Variants in CHD9 observed in about 807,000 individuals in gnomAD.
CHD9 encodes ATP-dependent chromatin remodeler CHD9.
In CHD9, 77 loss-of-function variants were observed where a neutral mutation model predicts 316.1. The ratio of observed to expected loss-of-function variants is 0.24; its 90% CI spans 0.20 to 0.29. The LOEUF (loss-of-function observed/expected upper bound fraction) is 0.29. CHD9 is among the 10% of genes least tolerant of loss of function. The pLI is 1.00. For missense variants in CHD9, 2,763 were observed against 3,438.1 expected (o/e 0.80, Z 4.91); for synonymous variants, 1,129 against 1,158.3 (o/e 0.97, Z 0.51).
chr16:53,235,631 C>G (rs1159307096), intron 11 of CHD9, among the ~76,000 whole-genome samples: 1 of 152,086 alleles, frequency 6.6e-6, no homozygotes, highest in Non-Finnish European at 1.5e-5. Flanking sequence ...TGCCAACAAT[C>G]AGTTCGAGTT....
chr16:53,101,111 T>C (rs982086726), intron 1 of CHD9, among the ~76,000 whole-genome samples: 1 of 152,158 alleles, frequency 6.6e-6, no homozygotes, highest in Admixed American at 6.5e-5. Flanking sequence ...ATTTACTGCA[T>C]CTAACAAGCA....
At chr16:53,157,581 A>C (rs375640074) in intron 2 of CHD9, 40 bp downstream of exon 2, 1 of 1,554,178 alleles carries the variant, frequency 6.4e-7, no homozygotes, top group Non-Finnish European at 8.7e-7. Flanking sequence ...ATTTGGGGGT[A>C]GGGCGGACTG....
intron 1 of CHD9, among the ~76,000 whole-genome samples, chr16:53,062,276 TA>T (rs1436356790): frequency 6.6e-6 from 1 of 152,260 alleles, no homozygotes; most frequent in Non-Finnish European, 1.5e-5. Context: ...GTTAAAACTG[TA>T]ACAATCTAAT....
intron 1 of CHD9, among the ~76,000 whole-genome samples, chr16:53,109,778 G>A (rs186162623): frequency 5.5e-5 from 7 of 128,378 alleles, no homozygotes; most frequent in East Asian, 5.4e-4. Context: ...TCCGCCTCCC[G>A]TATTCACACC....
intron 29 of CHD9, among the ~76,000 whole-genome samples, chr16:53,294,150 C>CA (rs1178539888): frequency 6.6e-6 from 1 of 152,144 alleles, no homozygotes; most frequent in African/African-American, 2.4e-5. Flanking sequence ...AAAAGACAGG[C>CA]AAACTTCTCT....
intron 7 of CHD9, among the ~76,000 whole-genome samples, chr16:53,228,063 C>T (rs900063334): frequency 6.0e-5 from 9 of 150,606 alleles, no homozygotes; most frequent in African/African-American, 1.7e-4. Flanking sequence ...TCCAGCCTGG[C>T]GACAGAGCGA....
At chr16:53,138,879 G>C (rs1022027396) in intron 1 of CHD9, among the ~76,000 whole-genome samples, 1 of 152,208 alleles carries the variant, frequency 6.6e-6, no homozygotes, top group African/African-American at 2.4e-5. Context: ...TGGAAGAATA[G>C]AAATAGGATG....
intron 2 of CHD9, among the ~76,000 whole-genome samples, chr16:53,188,796 G>A (rs2044250028): frequency 6.6e-6 from 1 of 151,366 alleles, no homozygotes. Flanking sequence ...TGTTGGCAAG[G>A]CTGGTGTCAA....
At chr16:53,097,462 C>T (rs12933670) in intron 1 of CHD9, among the ~76,000 whole-genome samples, 65,499 of 151,144 alleles carry the variant, frequency 0.43, 14,976 homozygotes, top group East Asian at 0.58. Flanking sequence ...GCCTGGGTGA[C>T]GATCATAGCT....
In CHD9 at chr16:53,245,557, C is replaced by T. The variant is rs1423749745; in HGVS notation, c.3199-38C>T. The T allele has an allele frequency of 1.3e-6, 2 of 1,535,724 alleles. No homozygotes were observed. The highest frequency in any genetic ancestry group is 1.7e-6 in the Non-Finnish European group (2 of 1,145,682). On this transcript the variant is annotated intron_variant, in intron 14 of 38. Coordinates refer to ENST00000447540, the MANE Select transcript of CHD9 (RefSeq NM_001308319.2). This position sits in a 1 kb window ranked among gnomAD's most constrained non-coding sequence, Gnocchi z 4.1. Reference sequence around the variant, plus strand: ...TATTTTGTATGTGTAATTAAATGCTCACTTATGTTATATGTCTTTTTATCA... The same window carrying T: ...TATTTTGTATGTGTAATTAAATGCTTACTTATGTTATATGTCTTTTTATCA...
At chr16:53,131,074 G>GCCGCCGCTGACACCCACCGC (rs1555488324) in intron 1 of CHD9, 1 of 148,294 alleles carries the variant, frequency 6.7e-6, no homozygotes, top group Non-Finnish European at 1.5e-5. Flanking sequence ...TGCCGCCGCC[G>GCCGCCGCTGACACCCACCGC]CCGCCGCTGC....
At chr16:53,267,865 G>T in intron 21 of CHD9, 62 bp from the exon 22 acceptor site, 1 of 1,413,756 alleles carries the variant, frequency 7.1e-7, no homozygotes, top group Non-Finnish European at 9.9e-7. Flanking sequence ...TTTTATCTAT[G>T]AGTTAATATT....
At chr16:53,292,808 A>G in intron 28 of CHD9, 25 bp from the exon 29 acceptor site, 1 of 1,539,134 alleles carries the variant, frequency 6.5e-7, no homozygotes, top group Non-Finnish European at 9.0e-7. Flanking sequence ...TTTAGTTATT[A>G]TTACTATTAC....
At chr16:53,293,565 G>A (rs1163772939) in intron 29 of CHD9, among the ~76,000 whole-genome samples, 1 of 152,142 alleles carries the variant, frequency 6.6e-6, no homozygotes. Context: ...GCAGTGAGAT[G>A]TGATTGTACC....
At chr16:53,119,261 T>C (rs939844746) in intron 1 of CHD9, among the ~76,000 whole-genome samples, 4 of 152,148 alleles carry the variant, frequency 2.6e-5, no homozygotes, top group African/African-American at 9.7e-5. Flanking sequence ...ATAGCAATTA[T>C]ACCTCAATAA....
intron 1 of CHD9, among the ~76,000 whole-genome samples, chr16:53,077,812 C>T (rs2152528219): frequency 6.6e-6 from 1 of 152,150 alleles, no homozygotes; most frequent in African/African-American, 2.4e-5. Context: ...AGTGGCTCAC[C>T]CCTGTAATTC....
At chr16:53,281,530 GC>G (rs1418482505) in intron 24 of CHD9, among the ~76,000 whole-genome samples, 1 of 152,132 alleles carries the variant, frequency 6.6e-6, no homozygotes. Context: ...CCTTCACACA[GC>G]AGCCAGAGTG....
intron 1 of CHD9, among the ~76,000 whole-genome samples, chr16:53,150,572 A>G (rs1342214597): frequency 6.6e-6 from 1 of 152,184 alleles, no homozygotes; most frequent in Non-Finnish European, 1.5e-5. Flanking sequence ...CTTTAGCAGC[A>G]TTCTTTGTTT....
At chr16:53,108,799 C>A (rs1360810644) in intron 1 of CHD9, among the ~76,000 whole-genome samples, 1 of 151,792 alleles carries the variant, frequency 6.6e-6, no homozygotes, top group African/African-American at 2.4e-5. Context: ...CACTTGAACC[C>A]CAGAGGCGGA....
Sources: allele counts gnomAD v4.1 joint callset (sites outside exome capture counted in the v4.1 genomes callset), GRCh38; gene constraint gnomAD v4.1.1; non-coding constraint Gnocchi (gnomAD v3.1); transcripts MANE v1.5; gene names NCBI Gene and HGNC (gene_info 2026-07-23, HGNC 2026-07-21).